The following PITPNM2 variants were observed in gnomAD, a reference collection of about 807,000 sequenced individuals.
PITPNM2 encodes membrane-associated phosphatidylinositol transfer protein 2.
PITPNM2 carries 35 observed loss-of-function variants against 132.2 expected under a neutral mutation model. That is an observed-to-expected ratio of 0.26 (90% CI 0.20 to 0.35). The LOEUF (loss-of-function observed/expected upper bound fraction) is 0.35. PITPNM2 is among the 10% of genes least tolerant of loss of function. The pLI, the probability that PITPNM2 is intolerant of heterozygous loss-of-function variation, is 1.00. For missense variants in PITPNM2, 1,332 were observed against 1,912.0 expected (o/e 0.70, Z 5.66); for synonymous variants, 738 against 799.2 (o/e 0.92, Z 1.29).
intron 1 of PITPNM2, among the ~76,000 whole-genome samples, chr12:123,134,336 C>T (rs1318463484): frequency 2.0e-5 from 3 of 152,086 alleles, no homozygotes; most frequent in African/African-American, 7.2e-5. Context: ...GTGCTGGGGT[C>T]TGCCAAGCCC....
At chr12:122,995,780 C>G (rs2038402285) in intron 13 of PITPNM2, 120 bp from the exon 14 acceptor site, 1 of 1,360,560 alleles carries the variant, frequency 7.3e-7, no homozygotes, top group Non-Finnish European at 9.7e-7. Flanking sequence ...TCCAGCCGGC[C>G]TCTTGCCAAA....
intron 8 of PITPNM2, among the ~76,000 whole-genome samples, chr12:123,003,653 A>T (rs2038792773): frequency 6.6e-6 from 1 of 152,252 alleles, no homozygotes; most frequent in Admixed American, 6.5e-5. Context: ...CACAGTGGTG[A>T]CATGAGATCT....
At chr12:123,052,968 C>T (rs2040911672) in intron 2 of PITPNM2, among the ~76,000 whole-genome samples, 1 of 152,028 alleles carries the variant, frequency 6.6e-6, no homozygotes, top group Non-Finnish European at 1.5e-5. Flanking sequence ...GCAGCCTCAA[C>T]CTCCTGAATT....
At chr12:123,075,134 CTGTG>C (rs369057427) in intron 2 of PITPNM2, among the ~76,000 whole-genome samples, 12 of 152,170 alleles carry the variant, frequency 7.9e-5, no homozygotes, top group East Asian at 7.7e-4. Flanking sequence ...TGTGGGGAGG[CTGTG>C]TGTGTGTATC....
intron 1 of PITPNM2, among the ~76,000 whole-genome samples, chr12:123,144,147 A>T (rs1333110815): frequency 6.6e-6 from 1 of 152,206 alleles, no homozygotes; most frequent in Non-Finnish European, 1.5e-5. Context: ...ACGAGGGGAC[A>T]TCCTCTATCT....
chr12:123,005,309 GGGGCTCCCCATTGCTGCTGCTGGGC>G lies in PITPNM2; in HGVS notation c.858_882del (p.Glu286AspfsTer2). ...TGTTTCTTGAGGCCGCGCCCCACTA[GGGGCTCCCCATTGCTGCTGCTGGGC>G]TCCGGGGGCTCCCCAGAGGTCTGGT... On this transcript the variant is annotated frameshift_variant, in exon 7 of 26. Transcript: ENST00000320201. LOFTEE classifies it high-confidence loss of function. The surrounding 1 kb of genome is among the most constrained non-coding windows in gnomAD (Gnocchi z 6.2). The G allele has an allele frequency of 1.2e-6, 2 of 1,614,056 alleles. No individual in the cohort carries two copies. The highest frequency in any genetic ancestry group is 1.7e-6 in the Non-Finnish European group (2 of 1,180,006).
Position 123,009,834 on chromosome 12 carries a change from G to A in PITPNM2, c.643+16C>T. The A allele has an allele frequency of 6.2e-7, 1 of 1,611,614 alleles. No individual in the cohort carries two copies. The highest frequency in any genetic ancestry group is 8.5e-7 in the Non-Finnish European group (1 of 1,177,758). ...GGGTAGCCCAGCCACTGCCCACCTGGCATGGGTGTGCTCACCGGTGTCGTG... is the reference window on the plus strand; with the variant it reads ...GGGTAGCCCAGCCACTGCCCACCTGACATGGGTGTGCTCACCGGTGTCGTG... On this transcript the variant is annotated intron_variant, in intron 6 of 25. Coordinates refer to ENST00000320201, the MANE Select transcript of PITPNM2 (RefSeq NM_020845.3). This position sits in a 1 kb window ranked among gnomAD's most constrained non-coding sequence, Gnocchi z 4.8.
rs1370646011 is a variant in PITPNM2, at chr12:123,022,307, G to GC, written c.79-8266_79-8265insG. On this transcript the variant is annotated intron_variant, in intron 3 of 25. Coordinates refer to ENST00000320201, the MANE Select transcript of PITPNM2 (RefSeq NM_020845.3). This position sits in a 1 kb window ranked among gnomAD's most constrained non-coding sequence, Gnocchi z 4.9. ...TGCCTCTGATCAGGATGCGGCTGCG[G>GC]AGGAAGGCCCTTTTCATAGCTATAG... 6.6e-6 allele frequency among the ~76,000 whole-genome samples: 1 copy of GC among 152,178 alleles called. No individual in the cohort carries two copies. The highest frequency in any genetic ancestry group is 1.9e-4 in the East Asian group (1 of 5,204).
rs2042772873 is a variant in PITPNM2, at chr12:123,108,727, T to C, written c.-96+1658A>G. Among the ~76,000 whole-genome samples the C allele has an allele frequency of 6.6e-6, 1 of 152,144 alleles. No individual in the cohort carries two copies. The highest frequency in any genetic ancestry group is 2.1e-4 in the South Asian group (1 of 4,822). On this transcript the variant is annotated intron_variant, in intron 2 of 25. Coordinates refer to ENST00000320201, the MANE Select transcript of PITPNM2 (RefSeq NM_020845.3). The surrounding 1 kb of genome is among the most constrained non-coding windows in gnomAD (Gnocchi z 4.4). ...CACAGCAACTGAAAAGAATGAGCAA[T>C]TAGAGAAGATAACAGTCCACGGTGC...
rs1027064992 is a variant in PITPNM2, at chr12:123,095,069, G to A, written c.-96+15316C>T. Among the ~76,000 whole-genome samples the A allele has an allele frequency of 2.0e-5, 3 of 152,190 alleles. No homozygotes were observed. The East Asian group carries it at 5.8e-4, about 29-fold the overall frequency. On this transcript the variant is annotated intron_variant, in intron 2 of 25. Coordinates refer to ENST00000320201, the MANE Select transcript of PITPNM2 (RefSeq NM_020845.3). This position sits in a 1 kb window ranked among gnomAD's most constrained non-coding sequence, Gnocchi z 5.0. ...GTCACTTCTTTTTCGGGGCACTGGG[G>A]CTCACAGCACGGCAGTGCGTCCACA...
chr12:123,085,766 G>A (rs2042094386), intron 2 of PITPNM2, among the ~76,000 whole-genome samples: 1 of 152,172 alleles, frequency 6.6e-6, no homozygotes, highest in African/African-American at 2.4e-5. Flanking sequence ...AACTCCACAG[G>A]GACAATGGTG....
chr12:123,125,925 A>G (rs2043131070), intron 1 of PITPNM2, among the ~76,000 whole-genome samples: 1 of 108,060 alleles, frequency 9.3e-6, no homozygotes, highest in Non-Finnish European at 1.7e-5. Context: ...GCTGGAGCGC[A>G]GTGGCGTGAT....
In PITPNM2 at chr12:123,016,774, G is replaced by A. The variant is rs372457379; in HGVS notation, c.79-2732C>T. 1.4e-4 allele frequency among the ~76,000 whole-genome samples: 22 copies of A among 152,218 alleles called. No homozygotes were observed. The East Asian group carries it at 1.9e-3, about 13-fold the overall frequency. Reference sequence around the variant, plus strand: ...GAAAATAGTTTAGTAGGCCAGGTGCGGTGGCTCACGCCTGTAAGCCTAGCA... The same window carrying A: ...GAAAATAGTTTAGTAGGCCAGGTGCAGTGGCTCACGCCTGTAAGCCTAGCA... On this transcript the variant is annotated intron_variant, in intron 3 of 25. Transcript: ENST00000320201.
chr12:123,070,989 G>A (rs369608231), intron 2 of PITPNM2, among the ~76,000 whole-genome samples: 2 of 152,342 alleles, frequency 1.3e-5, no homozygotes, highest in African/African-American at 2.4e-5. Context: ...GTTGAACTCC[G>A]TTCTGCCTCC....
chr12:123,036,812 G>A lies in PITPNM2; in HGVS notation c.-95-2127C>T, dbSNP rs975931786. 1.1e-4 allele frequency among the ~76,000 whole-genome samples: 17 copies of A among 152,154 alleles called. No individual in the cohort carries two copies. Among genetic ancestry groups the A allele is most frequent in the African/African-American group, 3.9e-4 (16 of 41,424 alleles). On this transcript the variant is annotated intron_variant, in intron 2 of 25. Coordinates refer to ENST00000320201, the MANE Select transcript of PITPNM2 (RefSeq NM_020845.3). This position sits in a 1 kb window ranked among gnomAD's most constrained non-coding sequence, Gnocchi z 4.1. ...TGTTCCCCTCCTTGGGGTGGCCCCA[G>A]GCCCTGCTATATCCATAAGGACTCT...
At chr12:123,034,404 G>A (rs1288919325) in intron 3 of PITPNM2, 109 bp downstream of exon 3, 2 of 1,000,232 alleles carry the variant, frequency 2.0e-6, no homozygotes, top group East Asian at 2.4e-5. Flanking sequence ...GAAGTTCTGG[G>A]GCAGGCACTG....
Position 123,064,158 on chromosome 12 carries a change from G to GT in PITPNM2, c.-95-29474dup, listed in dbSNP as rs1386394115. ...ATGCATTATTGCCAGCCTTCCCAGGGTTGGGGCCGTTGCTCACTGTTTCGA... is the reference window on the plus strand; with the variant it reads ...ATGCATTATTGCCAGCCTTCCCAGGGTTTGGGGCCGTTGCTCACTGTTTCGA... On this transcript the variant is annotated intron_variant, in intron 2 of 25. Coordinates refer to ENST00000320201, the MANE Select transcript of PITPNM2 (RefSeq NM_020845.3). The surrounding 1 kb of genome is among the most constrained non-coding windows in gnomAD (Gnocchi z 4.0). Among the ~76,000 whole-genome samples the GT allele has an allele frequency of 6.6e-6, 1 of 152,330 alleles. No individual in the cohort carries two copies. Among genetic ancestry groups the GT allele is most frequent in the East Asian group, 1.9e-4 (1 of 5,184 alleles).
At chr12:123,013,458 T>G (rs2039294885) in intron 4 of PITPNM2, among the ~76,000 whole-genome samples, 1 of 152,250 alleles carries the variant, frequency 6.6e-6, no homozygotes, top group Non-Finnish European at 1.5e-5. Flanking sequence ...CTGGGTCATC[T>G]GTTCTACCCT....
chr12:123,119,888 G>A (rs2043001969), intron 1 of PITPNM2, among the ~76,000 whole-genome samples: 1 of 151,176 alleles, frequency 6.6e-6, no homozygotes, highest in African/African-American at 2.4e-5. Flanking sequence ...TTGGGAGCCC[G>A]TTCAAAAGTA....
Sources: gnomAD v4.1 joint callset for allele counts (sites outside exome capture counted in the v4.1 genomes callset) on GRCh38, gnomAD v4.1.1 for gene constraint, Gnocchi (gnomAD v3.1) non-coding constraint, MANE v1.5 for transcripts, NCBI Gene and HGNC (gene_info 2026-07-23, HGNC 2026-07-21) for gene names.